PAM: variants seen among roughly 807,000 people sequenced by gnomAD.
PAM encodes the protein peptidylglycine alpha-amidating monooxygenase, also known as peptidyl-glycine alpha-amidating monooxygenase.
PAM carries 72 observed loss-of-function variants against 122.1 expected under a neutral mutation model. The ratio of observed to expected loss-of-function variants is 0.59; its 90% CI spans 0.49 to 0.72. PAM has a LOEUF of 0.72. PAM is among the 30% of genes least tolerant of loss of function. The pLI is 0.00. For missense variants in PAM, 1,106 were observed against 1,183.7 expected (o/e 0.93, Z 0.96); for synonymous variants, 389 against 404.4 (o/e 0.96, Z 0.46).
intron 1 of PAM, among the ~76,000 whole-genome samples, chr5:102,761,778 A>G (rs80293711): frequency 0.029 from 4,373 of 152,344 alleles, 110 homozygotes; most frequent in East Asian, 0.14. Flanking sequence ...AACTTTTATG[A>G]AGATATTAGT....
chr5:102,866,777 C>T (rs1785710773), intron 2 of PAM: 1 of 154,002 alleles, frequency 6.5e-6, no homozygotes, highest in African/African-American at 2.4e-5. Flanking sequence ...ACAGCTCTGC[C>T]TCCTAGCAAG....
Position 102,990,765 on chromosome 5 carries a change from A to G in PAM, c.1613+364A>G, listed in dbSNP as rs370589804. ...AGGAGAGTGCTTATGAAAAGTGATC[A>G]ACTAAGAAAGGTTGCTGATGGACTA... On this transcript the variant is annotated intron_variant, in intron 16 of 25. Coordinates refer to ENST00000438793, the MANE Select transcript of PAM (RefSeq NM_001177306.2). Among the ~76,000 whole-genome samples the G allele has an allele frequency of 3.9e-5, 6 of 152,308 alleles. No individual in the cohort carries two copies. The South Asian group carries it at 8.3e-4, about 21-fold the overall frequency.
chr5:102,848,805 C>T (rs1410368505), intron 1 of PAM, among the ~76,000 whole-genome samples: 3 of 152,146 alleles, frequency 2.0e-5, no homozygotes, highest in African/African-American at 4.8e-5. Flanking sequence ...ATCATTCCAG[C>T]AGGTCCAACA....
chr5:102,950,469 T>C (rs1758496603), intron 11 of PAM, among the ~76,000 whole-genome samples: 1 of 148,088 alleles, frequency 6.8e-6, no homozygotes, highest in Non-Finnish European at 1.5e-5. Context: ...TCATCCTCTC[T>C]ACCCAGAGTG....
intron 1 of PAM, among the ~76,000 whole-genome samples, chr5:102,818,613 C>T (rs748145765): frequency 6.6e-6 from 1 of 152,066 alleles, no homozygotes; most frequent in Non-Finnish European, 1.5e-5. Flanking sequence ...TATGCCCTTC[C>T]CTCTGCCTCA....
intron 21 of PAM, among the ~76,000 whole-genome samples, chr5:103,011,577 A>G (rs1013502334): frequency 1.3e-5 from 2 of 152,124 alleles, no homozygotes; most frequent in Admixed American, 6.5e-5. Context: ...CATCCATGTT[A>G]TTGCAAATGA....
At chr5:102,985,852 T>C (rs181905722) in intron 15 of PAM, among the ~76,000 whole-genome samples, 1 of 152,220 alleles carries the variant, frequency 6.6e-6, no homozygotes, top group African/African-American at 2.4e-5. Context: ...AACACAGTAC[T>C]ATCAAACCAA....
chr5:102,912,059 T>TA (rs1801570722), intron 4 of PAM, among the ~76,000 whole-genome samples: 1 of 152,050 alleles, frequency 6.6e-6, no homozygotes, highest in Non-Finnish European at 1.5e-5. Context: ...TCCACCTGAA[T>TA]TTTTAGCGGG....
At chr5:102,820,917 T>C (rs1350308425) in intron 1 of PAM, among the ~76,000 whole-genome samples, 1 of 152,174 alleles carries the variant, frequency 6.6e-6, no homozygotes, top group African/African-American at 2.4e-5. Context: ...GAAACCCACT[T>C]ACAAGAAAGG....
intron 18 of PAM, among the ~76,000 whole-genome samples, chr5:103,005,980 G>A (rs1198674573): frequency 6.6e-6 from 1 of 152,068 alleles, no homozygotes; most frequent in Non-Finnish European, 1.5e-5. Context: ...TGTCCCTCAG[G>A]CTGGAATGCA....
At chr5:102,954,318 T>G (rs1759999830) in intron 12 of PAM, among the ~76,000 whole-genome samples, 1 of 151,908 alleles carries the variant, frequency 6.6e-6, no homozygotes, top group African/African-American at 2.4e-5. Flanking sequence ...TCTTCCCTCC[T>G]GAGTCCCCAA....
intron 5 of PAM, 57 bp downstream of exon 5, chr5:102,914,078 AAAGTGTATCTGTGC>A: frequency 2.3e-6 from 2 of 883,306 alleles, no homozygotes; most frequent in Admixed American, 3.6e-5. Context: ...TTACAAGTGC[AAAGTGTATCTGTGC>A]AAGTATTTTA....
At chr5:102,888,386 A>G (rs1264710270) in intron 3 of PAM, among the ~76,000 whole-genome samples, 7 of 151,874 alleles carry the variant, frequency 4.6e-5, no homozygotes, top group Non-Finnish European at 1.0e-4. Flanking sequence ...CATGCCCCAT[A>G]CCCCTCTCAT....
chr5:102,808,007 T>A (rs561470594), intron 1 of PAM: 1 of 152,328 alleles, frequency 6.6e-6, no homozygotes, highest in African/African-American at 2.4e-5. Flanking sequence ...CCAAGCCTGG[T>A]AGCTGGAGCC....
intron 5 of PAM, 97 bp from the exon 6 acceptor site, chr5:102,924,860 G>A (rs1748876065): frequency 1.4e-6 from 1 of 718,454 alleles, no homozygotes; most frequent in East Asian, 2.5e-5. Context: ...ATGTACTTTG[G>A]TTTCAAATAC....
chr5:102,868,839 T>C (rs577527030), intron 3 of PAM, among the ~76,000 whole-genome samples: 1 of 152,326 alleles, frequency 6.6e-6, no homozygotes, highest in East Asian at 1.9e-4. Context: ...ACAATAATAA[T>C]GGGCAACTGT....
chr5:102,826,033 G>A (rs2150368503), intron 1 of PAM, among the ~76,000 whole-genome samples: 1 of 152,170 alleles, frequency 6.6e-6, no homozygotes, highest in East Asian at 1.9e-4. Context: ...TTAAAATGAG[G>A]ATAATAAGAA....
intron 4 of PAM, among the ~76,000 whole-genome samples, chr5:102,911,907 C>T (rs1451970185): frequency 6.6e-6 from 1 of 151,950 alleles, no homozygotes; most frequent in Non-Finnish European, 1.5e-5. Context: ...TGAGCCTTCT[C>T]TATGATTCCT....
chr5:102,775,826 A>G (rs1757020791), intron 1 of PAM, among the ~76,000 whole-genome samples: 2 of 152,084 alleles, frequency 1.3e-5, no homozygotes, highest in African/African-American at 4.8e-5. Flanking sequence ...TTTATAATAG[A>G]ATGATTTTTA....
Sources: gnomAD v4.1 joint callset for allele counts (sites outside exome capture counted in the v4.1 genomes callset) on GRCh38, gnomAD v4.1.1 for gene constraint, MANE v1.5 for transcripts, NCBI Gene and HGNC (gene_info 2026-07-23, HGNC 2026-07-21) for gene names.